The following ABCA4 variants were observed in gnomAD, a reference collection of about 807,000 sequenced individuals.
The protein encoded by ABCA4 is ATP binding cassette subfamily A member 4, also known as retinal-specific phospholipid-transporting ATPase ABCA4.
A neutral mutation model predicts 263.7 loss-of-function variants in ABCA4; 196 were observed. The ratio of observed to expected loss-of-function variants is 0.74; its 90% CI spans 0.66 to 0.84. The LOEUF (loss-of-function observed/expected upper bound fraction) is 0.84, where lower values mean the gene tolerates loss of function less well. ABCA4 is among the 40% of genes least tolerant of loss of function. The pLI is 0.00. For missense variants in ABCA4, 2,792 were observed against 2,855.1 expected, an observed-to-expected ratio of 0.98 and a Z score of 0.50; for synonymous variants, 1,133 against 1,094.2, an observed-to-expected ratio of 1.04 and a Z score of -0.70.
At chr1:94,067,363 C>T (rs550887966) in intron 11 of ABCA4, among the ~76,000 whole-genome samples, 10 of 152,304 alleles carry the variant, frequency 6.6e-5, no homozygotes, top group African/African-American at 2.4e-4. Context: ...AGTGGCATTG[C>T]TGACTGCTGT....
In ABCA4 at chr1:94,031,037, G is replaced by A. The variant is rs773383462; in HGVS notation, c.4212C>T (p.Thr1404=). The A allele has an allele frequency of 1.9e-6, 3 of 1,614,072 alleles. No individual in the cohort carries two copies. Among genetic ancestry groups the A allele is most frequent in the African/African-American group, 1.3e-5 (1 of 75,018 alleles). The change falls in exon 28 of 50, where the codon ACC becomes ACT. Residue 1404 remains threonine, a synonymous_variant. Coordinates refer to ENST00000370225, the MANE Select transcript of ABCA4 (RefSeq NM_000350.3). Reference sequence around the variant, plus strand: ...GCTGCCCATATATCCAGGGGTGAAGGGTCAAAGCGGGGTATTCGCCAAAAG... The same window carrying A: ...GCTGCCCATATATCCAGGGGTGAAGAGTCAAAGCGGGGTATTCGCCAAAAG... The part of the protein sequence containing the change: ...IPPFGEYPAL[T]LHPWIYGQQY...
At chr1:94,098,249 T>G (rs1217301293) in intron 6 of ABCA4, among the ~76,000 whole-genome samples, 1 of 152,214 alleles carries the variant, frequency 6.6e-6, no homozygotes, top group Admixed American at 6.5e-5. Context: ...ACTATGAAAC[T>G]TTCTCTGTCG....
In ABCA4 at chr1:94,040,132, A is replaced by G. The variant is rs948590617; in HGVS notation, c.3523-5T>C. 1 of 1,603,538 alleles carries G rather than the reference A, an allele frequency of 6.2e-7. No homozygotes were observed. Among genetic ancestry groups the G allele is most frequent in the Non-Finnish European group, 8.5e-7 (1 of 1,174,032 alleles). ...AGACGAGCAGCTGCAGGTCCCCTGC[A>G]ACAGATGGATGGGATGACTGACAAG... On this transcript the variant is annotated splice_polypyrimidine_tract_variant and splice_region_variant and intron_variant, in intron 23 of 49. Transcript: ENST00000370225.
At chr1:94,096,299 T>A (rs1662122943) in intron 6 of ABCA4, among the ~76,000 whole-genome samples, 1 of 152,060 alleles carries the variant, frequency 6.6e-6, no homozygotes, top group South Asian at 2.1e-4. Context: ...TGGGGAAGCT[T>A]CTAAAAGCTA....
intron 14 of ABCA4, among the ~76,000 whole-genome samples, chr1:94,060,165 C>A (rs1375615121): frequency 6.6e-6 from 1 of 152,198 alleles, no homozygotes; most frequent in Non-Finnish European, 1.5e-5. Flanking sequence ...ATTGTAAGCC[C>A]AGGAAAACAC....
rs913904785 is a variant in ABCA4 at position 94,031,994 on chromosome 1, C to G, written c.3912G>C (p.Leu1304Phe). 4 of 1,613,882 alleles carry G rather than the reference C, an allele frequency of 2.5e-6. No homozygotes were observed. Among genetic ancestry groups the G allele is most frequent in the Non-Finnish European group, 2.5e-6 (3 of 1,180,012 alleles). Residue 1304 changes from leucine to phenylalanine, a missense_variant, in exon 27 of 50, where the codon TTG (leucine) becomes TTC (phenylalanine). Leu to Phe is a conservative substitution (Grantham distance 22). Transcript: ENST00000370225. ...RENVNPRHPC[L>F]GPREKAGQTP... is the part of the protein sequence containing the mutation. Reference sequence around the variant, plus strand: ...TCTGTCCAGCCTTCTCTCTGGGACCCAAGCAGGGGTGTCGGGGGTTGACGT... The same window carrying G: ...TCTGTCCAGCCTTCTCTCTGGGACCGAAGCAGGGGTGTCGGGGGTTGACGT...
At chr1:94,059,922 A>G (rs1460940174) in intron 14 of ABCA4, among the ~76,000 whole-genome samples, 1 of 152,194 alleles carries the variant, frequency 6.6e-6, no homozygotes, top group Non-Finnish European at 1.5e-5. Context: ...ACAGACCAAT[A>G]GATGCTGCCT....
chr1:94,043,264 C>T (rs553170546), intron 21 of ABCA4, 72 bp downstream of exon 21: 2 of 1,608,128 alleles, frequency 1.2e-6, no homozygotes, highest in African/African-American at 2.7e-5. Context: ...CCAAGCCTCC[C>T]CTGCCTCCTG....
At chr1:94,043,845 T>C (rs1425090143) in intron 20 of ABCA4, among the ~76,000 whole-genome samples, 1 of 152,224 alleles carries the variant, frequency 6.6e-6, no homozygotes, top group Non-Finnish European at 1.5e-5. Context: ...TTGAAGTATA[T>C]GTGTTTATCT....
intron 3 of ABCA4, among the ~76,000 whole-genome samples, chr1:94,110,159 T>G (rs1014702845): frequency 2.0e-5 from 3 of 152,232 alleles, no homozygotes; most frequent in African/African-American, 7.2e-5. Context: ...TGCAGCAATA[T>G]GAGTCCTGCT....
At position 94,098,916 on chromosome 1, in the gene ABCA4, AGAT is replaced by A; in HGVS notation, c.643_645del (p.Ile215del). On this transcript the variant is annotated inframe_deletion, in exon 6 of 50. Transcript: ENST00000370225. ...GTCTTTGCCCCGCGTCTCTGGCTGA[AGAT>A]GATGAAGCGCTCCAGGAGGGCCTCG... The A allele has an allele frequency of 6.2e-7, 1 of 1,613,812 alleles. No homozygotes were observed. The highest frequency in any genetic ancestry group is 8.5e-7 in the Non-Finnish European group (1 of 1,180,040).
chr1:94,121,001 C>T lies in ABCA4; in HGVS notation c.45G>A (p.Trp15Ter), dbSNP rs62645957. 1.2e-6 allele frequency: 2 copies of T among 1,607,906 alleles called. No individual in the cohort carries two copies. The highest frequency in any genetic ancestry group is 1.7e-6 in the Non-Finnish European group (2 of 1,176,530). Residue 15 changes from tryptophan (W) to a stop codon, truncating the protein, a stop_gained, in exon 1 of 50, where the codon TGG (tryptophan) becomes TGA (stop). Transcript: ENST00000370225. LOFTEE classifies it high-confidence loss of function. ...TTACCTTTTGCCTTTTCCGCAGGGT[C>T]CAGTTCTTCCAGAGCAAAAGCTGTA... ...RQIQLLLWKNWTLRKRQKIRF... is the reference protein window; with the variant it reads ...RQIQLLLWKN
intron 36 of ABCA4, chr1:94,018,694 T>C: frequency 2.3e-6 from 1 of 434,580 alleles, no homozygotes; most frequent in South Asian, 1.7e-5. Flanking sequence ...ATTTTACTAC[T>C]CAAGACACCT....
intron 1 of ABCA4, among the ~76,000 whole-genome samples, chr1:94,118,538 C>G (rs137862610): frequency 6.6e-6 from 1 of 152,226 alleles, no homozygotes; most frequent in African/African-American, 2.4e-5. Context: ...CTCAGAGCTA[C>G]TGAATCTGTT....
Position 94,055,257 on chromosome 1 carries a change from T to C in ABCA4, c.2441A>G (p.Glu814Gly). ...FGTEYLVRFEEQGLGLQWSNI... is the reference protein window; with the variant it reads ...FGTEYLVRFEGQGLGLQWSNI... ...GCTCCACTGCAGCCCCAGGCCTTGC[T>C]CTTCAAAGCGAACCAGGTACTCAGT... is the stretch of plus-strand genomic sequence containing the variant. The change falls in exon 16 of 50, where the codon GAG (glutamate) becomes GGG (glycine). Residue 814 changes from glutamate (E) to glycine (G), a missense_variant. By Grantham distance (98) the Glu-to-Gly change is moderately conservative. Transcript: ENST00000370225. 1 of 1,614,042 alleles carries C rather than the reference T, an allele frequency of 6.2e-7. No individual in the cohort carries two copies. The highest frequency in any genetic ancestry group is 8.5e-7 in the Non-Finnish European group (1 of 1,179,948).
At chr1:94,098,436 G>A (rs569499534) in intron 6 of ABCA4, among the ~76,000 whole-genome samples, 67 of 152,288 alleles carry the variant, frequency 4.4e-4, no homozygotes, top group Middle Eastern at 3.4e-3. Flanking sequence ...ACCAGAAAAG[G>A]TTCAATATCT....
chr1:94,064,420 C>G (rs1355610704), intron 11 of ABCA4, among the ~76,000 whole-genome samples: 1 of 152,118 alleles, frequency 6.6e-6, no homozygotes, highest in East Asian at 1.9e-4. Context: ...GGAGGAAGAG[C>G]CTCCTGAGTA....
intron 4 of ABCA4, among the ~76,000 whole-genome samples, chr1:94,104,568 C>T (rs531045077): frequency 2.2e-4 from 34 of 152,280 alleles, no homozygotes; most frequent in Non-Finnish European, 4.1e-4. Context: ...AAGGGTCTTG[C>T]GCCAACCCCA....
intron 11 of ABCA4, among the ~76,000 whole-genome samples, chr1:94,075,886 A>G (rs895472881): frequency 1.3e-5 from 2 of 152,222 alleles, no homozygotes; most frequent in African/African-American, 4.8e-5. Context: ...GGACATGTCA[A>G]CAGCCAACTC....
Sources: allele counts gnomAD v4.1 joint callset (sites outside exome capture counted in the v4.1 genomes callset), GRCh38; gene constraint gnomAD v4.1.1; transcripts MANE v1.5; gene names NCBI Gene and HGNC (gene_info 2026-07-23, HGNC 2026-07-21).